The following NUBPL variants were observed in gnomAD, a reference collection of about 807,000 sequenced individuals.
NUBPL encodes NUBP iron-sulfur cluster assembly factor, mitochondrial, also known as iron-sulfur cluster transfer protein NUBPL.
A neutral mutation model predicts 45.7 loss-of-function variants in NUBPL; 31 were observed. The observed-to-expected ratio is 0.68, with a 90% CI of 0.51 to 0.92. NUBPL has a LOEUF of 0.92. NUBPL is among the 40% of genes least tolerant of loss of function. The pLI is 0.00. For synonymous variants in NUBPL, 144 were observed against 140.9 expected (o/e 1.02, Z -0.15); for missense variants, 401 against 398.7 (o/e 1.01, Z -0.05).
chr14:31,792,039 A>G (rs17098197), intron 7 of NUBPL, among the ~76,000 whole-genome samples: 6,628 of 152,230 alleles, frequency 0.044, 352 homozygotes, highest in African/African-American at 0.13. Context: ...CTTTCATAAG[A>G]TAACACAATT....
At chr14:31,615,365 A>G (rs1325886129) in intron 4 of NUBPL, among the ~76,000 whole-genome samples, 2 of 152,132 alleles carry the variant, frequency 1.3e-5, no homozygotes, top group East Asian at 3.9e-4. Context: ...TTACATAGGT[A>G]TACACGTGCC....
intron 9 of NUBPL, 38 bp from the exon 10 acceptor site, chr14:31,850,081 T>A: frequency 6.5e-7 from 1 of 1,528,734 alleles, no homozygotes; most frequent in Non-Finnish European, 9.1e-7. Flanking sequence ...CTATATGAAC[T>A]TTTCTGGTTC....
rs984742997 is a variant in NUBPL, at chr14:31,647,240, G to T, written c.383-26115G>T. Among the ~76,000 whole-genome samples the T allele has an allele frequency of 9.9e-5, 15 of 152,258 alleles. No homozygotes were observed. In the South Asian group the frequency reaches 1.5e-3, roughly 15 times the overall value. On this transcript the variant is annotated intron_variant, in intron 4 of 10. Transcript: ENST00000281081. Reference sequence around the variant, plus strand: ...TTGGCTTGTCCATTTGAGGAGGTCAGTTCCCTGTTTGCTGTTTCTTGTGGA... The same window carrying T: ...TTGGCTTGTCCATTTGAGGAGGTCATTTCCCTGTTTGCTGTTTCTTGTGGA...
intron 6 of NUBPL, among the ~76,000 whole-genome samples, chr14:31,758,901 C>T (rs1218085447): frequency 6.6e-6 from 1 of 152,062 alleles, no homozygotes; most frequent in African/African-American, 2.4e-5. Context: ...GTTCCCTTCT[C>T]CTGAGTGTTA....
At position 31,604,117 on chromosome 14, in the gene NUBPL, A is replaced by G. The variant is rs1030057551; in HGVS notation, c.382+4738A>G. Reference sequence around the variant, plus strand: ...TATAATCTTAAATTTGATGTTTGCAAATTGGCTGCCAGTAAATAGGCTTTC... The same window carrying G: ...TATAATCTTAAATTTGATGTTTGCAGATTGGCTGCCAGTAAATAGGCTTTC... On this transcript the variant is annotated intron_variant, in intron 4 of 10. Transcript: ENST00000281081. Among the ~76,000 whole-genome samples the G allele has an allele frequency of 9.2e-5, 14 of 151,932 alleles. 1 individual carries two copies. The highest frequency in any genetic ancestry group is 6.6e-4 in the Admixed American group (10 of 15,256).
intron 6 of NUBPL, among the ~76,000 whole-genome samples, chr14:31,730,179 G>A (rs985938372): frequency 1.3e-5 from 2 of 152,200 alleles, no homozygotes; most frequent in Non-Finnish European, 2.9e-5. Flanking sequence ...GGGAGAAGAT[G>A]AGAACCCATA....
intron 6 of NUBPL, among the ~76,000 whole-genome samples, chr14:31,691,890 C>A (rs1382710278): frequency 2.0e-5 from 3 of 152,260 alleles, no homozygotes; most frequent in South Asian, 4.1e-4. Context: ...CAACTGGCCA[C>A]TGTTTGGTAA....
At chr14:31,631,553 G>A (rs2035344555) in intron 4 of NUBPL, among the ~76,000 whole-genome samples, 1 of 149,524 alleles carries the variant, frequency 6.7e-6, no homozygotes, top group African/African-American at 2.5e-5. Flanking sequence ...TGGAGGCTAA[G>A]TCCCAAGATC....
chr14:31,856,088 G>C (rs1428761320), intron 10 of NUBPL, among the ~76,000 whole-genome samples: 1 of 152,086 alleles, frequency 6.6e-6, no homozygotes, highest in Non-Finnish European at 1.5e-5. Flanking sequence ...CCAGAGACTG[G>C]GCAGTTTACA....
At chr14:31,582,485 C>T (rs570277452) in intron 3 of NUBPL, among the ~76,000 whole-genome samples, 1 of 151,162 alleles carries the variant, frequency 6.6e-6, no homozygotes, top group African/African-American at 2.4e-5. Flanking sequence ...GATCAGACCA[C>T]TCTTGTGGGG....
At chr14:31,787,635 T>C in intron 6 of NUBPL, 145 bp from the exon 7 acceptor site, 1 of 637,066 alleles carries the variant, frequency 1.6e-6, no homozygotes, top group Non-Finnish European at 2.8e-6. Context: ...CATGTATCCT[T>C]AGGACTCAGC....
At position 31,620,537 on chromosome 14, in the gene NUBPL, C is replaced by G. The variant is rs900156012; in HGVS notation, c.382+21158C>G. On this transcript the variant is annotated intron_variant, in intron 4 of 10. Transcript: ENST00000281081. ...TACTTTATCTTCTAACAGTCAGGCCCCTGTGCTGCAGGTCTGCTGGAGTTT... is the reference window on the plus strand; with the variant it reads ...TACTTTATCTTCTAACAGTCAGGCCGCTGTGCTGCAGGTCTGCTGGAGTTT... Among the ~76,000 whole-genome samples, 2 of 152,282 alleles carry G rather than the reference C, an allele frequency of 1.3e-5. 1 individual carries two copies. Among genetic ancestry groups the G allele is most frequent in the South Asian group, 4.1e-4 (2 of 4,824 alleles).
intron 6 of NUBPL, among the ~76,000 whole-genome samples, chr14:31,676,706 C>T (rs1010064166): frequency 2.6e-5 from 4 of 151,876 alleles, no homozygotes; most frequent in African/African-American, 9.6e-5. Flanking sequence ...TATTAGATCT[C>T]ATATTTTCTT....
At chr14:31,854,414 C>T (rs2040585840) in intron 10 of NUBPL, among the ~76,000 whole-genome samples, 1 of 152,064 alleles carries the variant, frequency 6.6e-6, no homozygotes, top group South Asian at 2.1e-4. Context: ...ATGGATTAAA[C>T]AAAAGAAAGA....
chr14:31,805,187 A>C (rs2039662281), intron 7 of NUBPL, among the ~76,000 whole-genome samples: 1 of 152,244 alleles, frequency 6.6e-6, no homozygotes, highest in Non-Finnish European at 1.5e-5. Flanking sequence ...ATCACTAGAG[A>C]AATGCAAATC....
At chr14:31,666,288 G>A (rs1340703060) in intron 4 of NUBPL, among the ~76,000 whole-genome samples, 2 of 96,406 alleles carry the variant, frequency 2.1e-5, no homozygotes, top group East Asian at 3.6e-4. Context: ...TTTTTGAGAC[G>A]GAATCTCCCT....
intron 4 of NUBPL, among the ~76,000 whole-genome samples, chr14:31,620,108 CT>C: frequency 6.6e-6 from 1 of 151,934 alleles, no homozygotes; most frequent in South Asian, 2.1e-4. Flanking sequence ...TGATGAAGTT[CT>C]TGTGCTGTGT....
chr14:31,651,432 A>G (rs1321524091), intron 4 of NUBPL, among the ~76,000 whole-genome samples: 2 of 137,514 alleles, frequency 1.5e-5, no homozygotes, highest in East Asian at 2.3e-4. Flanking sequence ...TTTAGCATGA[A>G]TCACATTTTT....
chr14:31,846,599 T>C lies in NUBPL; in HGVS notation c.814+8T>C. On this transcript the variant is annotated splice_region_variant and intron_variant, in intron 9 of 10. Transcript: ENST00000281081. Reference sequence around the variant, plus strand: ...TTGGTCTTGAAGTTCTAGGTAAGACTGTGGGATGTTCTTTTGTAGAAGAAG... The same window carrying C: ...TTGGTCTTGAAGTTCTAGGTAAGACCGTGGGATGTTCTTTTGTAGAAGAAG... The C allele has an allele frequency of 6.2e-7, 1 of 1,613,306 alleles. No individual in the cohort carries two copies. The highest frequency in any genetic ancestry group is 8.5e-7 in the Non-Finnish European group (1 of 1,179,690).
Sources: allele counts gnomAD v4.1 joint callset (sites outside exome capture counted in the v4.1 genomes callset), GRCh38; gene constraint gnomAD v4.1.1; transcripts MANE v1.5; gene names NCBI Gene and HGNC (gene_info 2026-07-23, HGNC 2026-07-21).